EFNA5: variants seen among roughly 807,000 people sequenced by gnomAD.
EFNA5 encodes ephrin A5, also known as ephrin-A5.
EFNA5 carries 5 observed loss-of-function variants against 22.9 expected under a neutral mutation model. The observed-to-expected ratio is 0.22, with a 90% CI of 0.11 to 0.46. EFNA5 has a LOEUF of 0.46. Ranked by LOEUF, EFNA5 falls within the 20% of genes least tolerant of loss-of-function variation. The pLI is 0.99. For missense variants in EFNA5, 237 were observed against 293.3 expected (o/e 0.81, Z 1.40); for synonymous variants, 113 against 112.2 (o/e 1.01, Z -0.04).
intron 2 of EFNA5, among the ~76,000 whole-genome samples, chr5:107,420,040 A>G (rs983771711): frequency 1.3e-5 from 2 of 152,152 alleles, no homozygotes; most frequent in Non-Finnish European, 2.9e-5. Flanking sequence ...AAACTATGTA[A>G]AAAAGGTGAT....
At chr5:107,624,439 A>G (rs191753899) in intron 1 of EFNA5, among the ~76,000 whole-genome samples, 1 of 152,280 alleles carries the variant, frequency 6.6e-6, no homozygotes, top group Admixed American at 6.5e-5. Context: ...TGATGGCACA[A>G]TTTTTACTAT....
intron 1 of EFNA5, among the ~76,000 whole-genome samples, chr5:107,647,448 A>G (rs1750649583): frequency 6.6e-6 from 1 of 152,178 alleles, no homozygotes; most frequent in African/African-American, 2.4e-5. Flanking sequence ...GAAAATAGCT[A>G]TATTGGTAAC....
chr5:107,554,092 A>C (rs978237132), intron 1 of EFNA5, among the ~76,000 whole-genome samples: 28 of 152,238 alleles, frequency 1.8e-4, no homozygotes, highest in Non-Finnish European at 7.3e-5. Context: ...CTATATGCAG[A>C]GTAAAATGAG....
intron 2 of EFNA5, among the ~76,000 whole-genome samples, chr5:107,394,435 T>A (rs995801662): frequency 6.6e-6 from 1 of 151,980 alleles, no homozygotes; most frequent in Non-Finnish European, 1.5e-5. Context: ...AAAACCAGAA[T>A]AAGAAAAGGG....
intron 1 of EFNA5, among the ~76,000 whole-genome samples, chr5:107,641,924 C>G (rs1401456525): frequency 2.6e-5 from 4 of 152,106 alleles, no homozygotes; most frequent in Admixed American, 1.3e-4. Context: ...AGCCCATGCT[C>G]AACCCAATGG....
At chr5:107,568,806 T>G (rs1321068335) in intron 1 of EFNA5, among the ~76,000 whole-genome samples, 1 of 152,226 alleles carries the variant, frequency 6.6e-6, no homozygotes, top group African/African-American at 2.4e-5. Context: ...GAATATCTTA[T>G]ATATAAAATA....
chr5:107,481,008 G>A (rs184853071), intron 1 of EFNA5, among the ~76,000 whole-genome samples: 2 of 152,318 alleles, frequency 1.3e-5, no homozygotes, highest in East Asian at 3.9e-4. Context: ...GCTGGCAGGG[G>A]ACATTCAGCA....
chr5:107,573,706 A>G (rs928989068), intron 1 of EFNA5, among the ~76,000 whole-genome samples: 1 of 152,020 alleles, frequency 6.6e-6, no homozygotes, highest in Non-Finnish European at 1.5e-5. Context: ...TTTCCATGCT[A>G]TGGTTTAGAG....
chr5:107,479,413 A>C (rs1015732596), intron 1 of EFNA5, among the ~76,000 whole-genome samples: 1 of 152,160 alleles, frequency 6.6e-6, no homozygotes, highest in Non-Finnish European at 1.5e-5. Flanking sequence ...GTCAGGTTTC[A>C]ATTGTTTGAC....
At chr5:107,618,200 T>C (rs1353784504) in intron 1 of EFNA5, among the ~76,000 whole-genome samples, 1 of 152,196 alleles carries the variant, frequency 6.6e-6, no homozygotes, top group East Asian at 1.9e-4. Flanking sequence ...CTGTTTCTTT[T>C]GAAAAAGTAA....
rs186413528 is a variant in EFNA5 at position 107,501,843 on chromosome 5, C to T, written c.126-74334G>A. Among the ~76,000 whole-genome samples, 12 of 152,208 alleles carry T rather than the reference C, an allele frequency of 7.9e-5. No homozygotes were observed. The East Asian group carries it at 9.6e-4, about 12-fold the overall frequency. On this transcript the variant is annotated intron_variant, in intron 1 of 4. Transcript: ENST00000333274. ...TTCACGCCATTAAACAAACAAAAAA[C>T]GGCCATAAGGTCAAAATAATAGAAC...
At chr5:107,532,340 T>C (rs1256009214) in intron 1 of EFNA5, among the ~76,000 whole-genome samples, 2 of 152,224 alleles carry the variant, frequency 1.3e-5, no homozygotes, top group African/African-American at 2.4e-5. Context: ...ACCTCATTAA[T>C]AGTTAAACAA....
intron 1 of EFNA5, among the ~76,000 whole-genome samples, chr5:107,494,828 G>A (rs763393557): frequency 1.3e-5 from 2 of 151,988 alleles, no homozygotes; most frequent in African/African-American, 2.4e-5. Flanking sequence ...CTCAAGGTTT[G>A]TAAACACACC....
chr5:107,637,760 A>T (rs942527487), intron 1 of EFNA5, among the ~76,000 whole-genome samples: 1 of 149,074 alleles, frequency 6.7e-6, no homozygotes, highest in East Asian at 1.9e-4. Flanking sequence ...ATATAATCAC[A>T]TATGTAATAA....
chr5:107,496,346 A>C (rs540303234), intron 1 of EFNA5, among the ~76,000 whole-genome samples: 66 of 149,904 alleles, frequency 4.4e-4, no homozygotes, highest in East Asian at 3.3e-3. Flanking sequence ...CAAAAAAAAA[A>C]AAAAAAACAA....
chr5:107,534,394 GTAAT>G (rs1473875992), intron 1 of EFNA5, among the ~76,000 whole-genome samples: 1 of 152,190 alleles, frequency 6.6e-6, no homozygotes, highest in African/African-American at 2.4e-5. Context: ...GCATGAGCTA[GTAAT>G]TAGTTTTATG....
intron 2 of EFNA5, among the ~76,000 whole-genome samples, chr5:107,406,658 A>G (rs1748231031): frequency 6.6e-6 from 1 of 152,174 alleles, no homozygotes; most frequent in African/African-American, 2.4e-5. Context: ...CCATCATAGT[A>G]CTTACCACCT....
chr5:107,493,857 T>C (rs1179892757), intron 1 of EFNA5, among the ~76,000 whole-genome samples: 1 of 152,116 alleles, frequency 6.6e-6, no homozygotes, highest in Admixed American at 6.5e-5. Context: ...GTTTATACAA[T>C]TATTACCCAC....
At chr5:107,393,125 AG>A (rs1747832037) in intron 2 of EFNA5, among the ~76,000 whole-genome samples, 1 of 152,248 alleles carries the variant, frequency 6.6e-6, no homozygotes, top group Non-Finnish European at 1.5e-5. Flanking sequence ...ATAAATCTTA[AG>A]GAGAATGCCT....
Sources: gnomAD v4.1 joint callset for allele counts (sites outside exome capture counted in the v4.1 genomes callset) on GRCh38, gnomAD v4.1.1 for gene constraint, MANE v1.5 for transcripts, NCBI Gene and HGNC (gene_info 2026-07-23, HGNC 2026-07-21) for gene names.